ZBTB40: variants seen among roughly 807,000 people sequenced by gnomAD.
ZBTB40 encodes zinc finger and BTB domain containing 40, also known as zinc finger and BTB domain-containing protein 40.
ZBTB40 carries 60 observed loss-of-function variants against 117.5 expected under a neutral mutation model. The observed-to-expected ratio is 0.51, with a 90% confidence interval of 0.41 to 0.63. The LOEUF is 0.63. Ranked by LOEUF, ZBTB40 falls within the 30% of genes least tolerant of loss-of-function variation. The pLI, the probability that ZBTB40 is intolerant of heterozygous loss-of-function variation, is 0.00. For missense variants in ZBTB40, 1,287 were observed against 1,498.5 expected (o/e 0.86, Z 2.33); for synonymous variants, 525 against 577.1 (o/e 0.91, Z 1.29).
chr1:22,512,972 C>A lies in ZBTB40; in HGVS notation c.2510C>A (p.Ser837Tyr). Residue 837 changes from serine (S) to tyrosine (Y), a missense_variant, in exon 12 of 18, where the codon TCC (serine) becomes TAC (tyrosine). Physicochemically the swap from Ser to Tyr is moderately radical, Grantham distance 144. This residue lies in a region of ZBTB40 where 417 missense variants were observed against 564.1 expected (regional missense o/e 0.74). Coordinates refer to ENST00000375647, the MANE Select transcript of ZBTB40 (RefSeq NM_014870.4). The part of the protein sequence containing the change: ...LTEHFDEKPF[S>Y]CEECGAKFAA... ...GAGCACTTCGATGAGAAGCCTTTCT[C>A]CTGTGAAGAGTGTGGGGCGAAGTTT... 1 of 1,614,238 alleles carries A rather than the reference C, an allele frequency of 6.2e-7. No homozygotes were observed. The highest frequency in any genetic ancestry group is 8.5e-7 in the Non-Finnish European group (1 of 1,180,040).
At chr1:22,508,456 C>T (rs1639133473) in intron 7 of ZBTB40, 74 bp from the exon 8 acceptor site, 1 of 1,554,234 alleles carries the variant, frequency 6.4e-7, no homozygotes, top group African/African-American at 1.4e-5. Context: ...AACCCAATAT[C>T]TAGACTTGCA....
intron 3 of ZBTB40, among the ~76,000 whole-genome samples, chr1:22,494,863 G>T (rs889167241): frequency 6.6e-6 from 1 of 152,182 alleles, no homozygotes; most frequent in Non-Finnish European, 1.5e-5. Context: ...GTATGCAGAG[G>T]AGTCGCCAAA....
At chr1:22,438,958 C>G (rs1458236355) in intron 1 of ZBTB40, among the ~76,000 whole-genome samples, 1 of 152,114 alleles carries the variant, frequency 6.6e-6, no homozygotes, top group Non-Finnish European at 1.5e-5. Context: ...ACCTCCGCCT[C>G]CCAGGTTCAA....
chr1:22,459,289 G>A (rs1381457395), intron 1 of ZBTB40, among the ~76,000 whole-genome samples: 1 of 152,254 alleles, frequency 6.6e-6, no homozygotes, highest in Middle Eastern at 3.4e-3. Context: ...AATTTATGGA[G>A]CATCCATTTA....
At chr1:22,486,375 T>A (rs1638466293) in intron 1 of ZBTB40, among the ~76,000 whole-genome samples, 1 of 152,178 alleles carries the variant, frequency 6.6e-6, no homozygotes, top group Non-Finnish European at 1.5e-5. Flanking sequence ...TCCAGGTAGG[T>A]TAGGCTCTGA....
At position 22,520,255 on chromosome 1, in the gene ZBTB40, A is replaced by C; in HGVS notation, c.3028A>C (p.Ile1010Leu). 1 of 1,612,372 alleles carries C rather than the reference A, an allele frequency of 6.2e-7. No individual in the cohort carries two copies. The highest frequency in any genetic ancestry group is 8.5e-7 in the Non-Finnish European group (1 of 1,180,004). ...HVGGKPFSCGICNKAYQQLSG... is the reference protein window; with the variant it reads ...HVGGKPFSCGLCNKAYQQLSG... ...TGGAGGGAAGCCCTTCAGCTGCGGG[A>C]TCTGCAACAAGGCCTACCAGGTGAC... Residue 1010 changes from isoleucine (I) to leucine (L), a missense_variant, in exon 14 of 18, where the codon ATC becomes CTC. Physicochemically the swap from Ile to Leu is conservative, Grantham distance 5. Transcript: ENST00000375647.
intron 3 of ZBTB40, among the ~76,000 whole-genome samples, chr1:22,496,089 C>T (rs1268640710): frequency 6.6e-6 from 1 of 152,244 alleles, no homozygotes; most frequent in East Asian, 1.9e-4. Flanking sequence ...CAGCATGGAG[C>T]TAACAAGACC....
intron 3 of ZBTB40, among the ~76,000 whole-genome samples, chr1:22,494,056 T>C (rs909414640): frequency 1.2e-4 from 19 of 152,182 alleles, no homozygotes; most frequent in African/African-American, 4.3e-4. Flanking sequence ...ATAAAACTCA[T>C]AGTAAAATGC....
chr1:22,506,282 TC>T, intron 6 of ZBTB40, 41 bp downstream of exon 6: 1 of 1,607,540 alleles, frequency 6.2e-7, no homozygotes, highest in South Asian at 1.1e-5. Flanking sequence ...GAACCACTCT[TC>T]CAGAAAATTG....
chr1:22,467,511 G>A (rs1331278146), intron 1 of ZBTB40, among the ~76,000 whole-genome samples: 1 of 152,168 alleles, frequency 6.6e-6, no homozygotes, highest in Non-Finnish European at 1.5e-5. Flanking sequence ...GTCTCGCTGT[G>A]TCACCCAGGC....
chr1:22,483,119 T>C (rs981218534), intron 1 of ZBTB40, among the ~76,000 whole-genome samples: 4 of 151,950 alleles, frequency 2.6e-5, no homozygotes, highest in African/African-American at 7.3e-5. Flanking sequence ...GTTTCCTCCC[T>C]GTCTTTTCAT....
At chr1:22,516,131 T>C (rs774440599) in intron 12 of ZBTB40, among the ~76,000 whole-genome samples, 1 of 152,138 alleles carries the variant, frequency 6.6e-6, no homozygotes, top group Non-Finnish European at 1.5e-5. Context: ...CATGAGCAAC[T>C]GAGTGAATGA....
chr1:22,508,875 CAA>C, intron 8 of ZBTB40, 144 bp downstream of exon 8: 1 of 1,108,394 alleles, frequency 9.0e-7, no homozygotes, highest in Non-Finnish European at 1.3e-6. Context: ...TTCAAGGACA[CAA>C]GAGTTTGTAA....
At chr1:22,429,280 G>A (rs1640545382) in intron 1 of ZBTB40, among the ~76,000 whole-genome samples, 1 of 152,064 alleles carries the variant, frequency 6.6e-6, no homozygotes, top group African/African-American at 2.4e-5. Context: ...TACTCGGGAG[G>A]CTGAGGCAGG....
At chr1:22,479,614 C>G (rs1325395482) in intron 1 of ZBTB40, among the ~76,000 whole-genome samples, 1 of 151,978 alleles carries the variant, frequency 6.6e-6, no homozygotes, top group Non-Finnish European at 1.5e-5. Context: ...TATTTTGAAG[C>G]TTTTATTCTT....
intron 1 of ZBTB40, among the ~76,000 whole-genome samples, chr1:22,481,488 T>A (rs1557496424): frequency 6.6e-6 from 1 of 152,156 alleles, no homozygotes; most frequent in South Asian, 2.1e-4. Flanking sequence ...CAGTTGCTCA[T>A]TCTGCTGAAG....
intron 6 of ZBTB40, 94 bp downstream of exon 6, chr1:22,506,335 AT>A: frequency 7.9e-7 from 1 of 1,258,086 alleles, no homozygotes; most frequent in Non-Finnish European, 1.2e-6. Context: ...GGGAGATAAG[AT>A]TATGTTAAGA....
chr1:22,493,105 TGATGAAG>T (rs1007519532), intron 3 of ZBTB40, among the ~76,000 whole-genome samples: 3 of 152,232 alleles, frequency 2.0e-5, no homozygotes, highest in African/African-American at 7.2e-5. Context: ...ATGTAACAGG[TGATGAAG>T]AAATGTCTGT....
At position 22,501,634 on chromosome 1, in the gene ZBTB40, C is replaced by T. The variant is rs1327620140; in HGVS notation, c.974C>T (p.Thr325Ile). The change falls in exon 4 of 18, where the codon ACA (threonine) becomes ATA (isoleucine). Residue 325 changes from threonine to isoleucine, a missense_variant. Physicochemically the swap from Thr to Ile is moderately conservative, Grantham distance 89. Around this residue, in one of 2 missense-constraint regions of ZBTB40, gnomAD observed 870 missense variants for 934.4 expected, o/e 0.93. Transcript: ENST00000375647. Reference protein sequence around the residue: ...LYQYSNPAVKTALLDRKPEDV... With the variant: ...LYQYSNPAVKIALLDRKPEDV... ...CAATATTCTAATCCTGCAGTAAAAA[C>T]AGCACTATTAGACAGGAAGCCAGAA... 6.2e-7 allele frequency: 1 copy of T among 1,613,984 alleles called. No individual in the cohort carries two copies. Among genetic ancestry groups the T allele is most frequent in the African/African-American group, 1.3e-5 (1 of 74,908 alleles).
Sources: allele counts gnomAD v4.1 joint callset (sites outside exome capture counted in the v4.1 genomes callset), GRCh38; gene constraint gnomAD v4.1.1; regional missense constraint gnomAD v4.1.1; transcripts MANE v1.5; gene names NCBI Gene and HGNC (gene_info 2026-07-23, HGNC 2026-07-21).